Variants in CDH12 observed in about 807,000 individuals in gnomAD.
CDH12 encodes the protein cadherin-12.
A neutral mutation model predicts 74.1 loss-of-function variants in CDH12; 41 were observed. The observed-to-expected ratio is 0.55, with a 90% CI of 0.43 to 0.72. The LOEUF (loss-of-function observed/expected upper bound fraction) is 0.72, where lower values mean the gene tolerates loss of function less well. CDH12 is among the 30% of genes least tolerant of loss of function. The pLI, the probability that CDH12 is intolerant of heterozygous loss-of-function variation, is 0.00. For missense variants in CDH12, 945 were observed against 977.2 expected, an observed-to-expected ratio of 0.97 and a Z score of 0.44; for synonymous variants, 399 against 355.0, an observed-to-expected ratio of 1.12 and a Z score of -1.39.
chr5:22,741,718 T>C (rs541869961), intron 1 of CDH12, among the ~76,000 whole-genome samples: 20 of 152,326 alleles, frequency 1.3e-4, no homozygotes, highest in African/African-American at 4.6e-4. Flanking sequence ...CTCAGCATTC[T>C]TCCTTCTATA....
chr5:22,039,062 T>C (rs1739390170), intron 5 of CDH12, among the ~76,000 whole-genome samples: 1 of 152,148 alleles, frequency 6.6e-6, no homozygotes, highest in African/African-American at 2.4e-5. Context: ...GCACTCCACA[T>C]GGTGGTCATG....
intron 1 of CDH12, among the ~76,000 whole-genome samples, chr5:22,772,104 A>T (rs908368716): frequency 1.3e-5 from 2 of 152,094 alleles, no homozygotes; most frequent in African/African-American, 4.8e-5. Flanking sequence ...GTGTTAGGGA[A>T]TGATGTGTAA....
intron 1 of CDH12, among the ~76,000 whole-genome samples, chr5:22,685,873 G>A (rs573491654): frequency 7.9e-5 from 12 of 152,210 alleles, no homozygotes; most frequent in South Asian, 6.2e-4. Context: ...GTACAAGTTC[G>A]TATGGACATA....
At position 22,337,163 on chromosome 5, in the gene CDH12, G is replaced by A. The variant is rs184984713; in HGVS notation, c.-333+68094C>T. On this transcript the variant is annotated intron_variant, in intron 3 of 14. Transcript: ENST00000382254. The stretch of plus-strand genomic sequence containing the variant: ...TGGCCAATTTCTTCCATTTGGAATG[G>A]CTGTATTTACCCAATGCCAGTACCC... Among the ~76,000 whole-genome samples, 59 of 152,240 alleles carry A rather than the reference G, an allele frequency of 3.9e-4. 1 individual carries two copies. The highest frequency in any genetic ancestry group is 1.6e-3 in the Admixed American group (24 of 15,296).
At chr5:22,346,820 G>A (rs1740136382) in intron 3 of CDH12, among the ~76,000 whole-genome samples, 1 of 152,100 alleles carries the variant, frequency 6.6e-6, no homozygotes, top group African/African-American at 2.4e-5. Flanking sequence ...TAAAACTGGG[G>A]AGTTTTGTAT....
chr5:22,056,837 T>A (rs1740775025), intron 5 of CDH12, among the ~76,000 whole-genome samples: 1 of 152,134 alleles, frequency 6.6e-6, no homozygotes, highest in South Asian at 2.1e-4. Flanking sequence ...ACTTTACAGA[T>A]GAGGATATTG....
chr5:21,842,859 T>C (rs562340190), intron 7 of CDH12, among the ~76,000 whole-genome samples: 1 of 152,290 alleles, frequency 6.6e-6, no homozygotes, highest in Non-Finnish European at 1.5e-5. Flanking sequence ...CGTTAGTTAT[T>C]TTAGCAACAG....
intron 5 of CDH12, among the ~76,000 whole-genome samples, chr5:22,020,606 T>C (rs1166076657): frequency 6.6e-6 from 1 of 151,810 alleles, no homozygotes; most frequent in Non-Finnish European, 1.5e-5. Context: ...TCATGTCAAT[T>C]GATTCCTGAT....
intron 14 of CDH12, among the ~76,000 whole-genome samples, chr5:21,752,546 A>T (rs1183582839): frequency 1.3e-5 from 2 of 152,218 alleles, no homozygotes; most frequent in Non-Finnish European, 2.9e-5. Context: ...TTCCACTCAT[A>T]CAGAAAATTG....
chr5:21,788,493 T>C lies in CDH12; in HGVS notation c.1257-4999A>G, dbSNP rs556256679. Among the ~76,000 whole-genome samples the C allele has an allele frequency of 2.8e-4, 43 of 152,272 alleles. 1 individual carries two copies. Among genetic ancestry groups the C allele is most frequent in the South Asian group, 6.2e-4 (3 of 4,830 alleles). ...AGGTCAAGGAAGATCTTATACATTATAGTTAAAAAACTATTAATTTCTCTA... is the reference window on the plus strand; with the variant it reads ...AGGTCAAGGAAGATCTTATACATTACAGTTAAAAAACTATTAATTTCTCTA... On this transcript the variant is annotated intron_variant, in intron 10 of 14. Transcript: ENST00000382254.
chr5:21,753,836 C>T (rs1421954362), intron 14 of CDH12, among the ~76,000 whole-genome samples: 5 of 152,078 alleles, frequency 3.3e-5, no homozygotes, highest in South Asian at 2.1e-4. Context: ...CAGTGTATGA[C>T]GGCCAGAACA....
At chr5:22,734,367 T>C (rs1744581598) in intron 1 of CDH12, among the ~76,000 whole-genome samples, 1 of 151,820 alleles carries the variant, frequency 6.6e-6, no homozygotes, top group African/African-American at 2.4e-5. Flanking sequence ...TGCAAAAAAG[T>C]TACAAAAATT....
rs1440678921 is a variant in CDH12 at position 22,759,218 on chromosome 5, A to AT, written c.-523+93839_-523+93840insA. Among the ~76,000 whole-genome samples, 5 of 152,208 alleles carry AT rather than the reference A, an allele frequency of 3.3e-5. No homozygotes were observed. In the East Asian group the frequency reaches 9.7e-4, roughly 29 times the overall value. ...TCTCAGAAAAAAAAAACAAAAAAAA[A>AT]CTTAGATTGATTTCAAAGAGGCCAC... On this transcript the variant is annotated intron_variant, in intron 1 of 14. Transcript: ENST00000382254.
chr5:22,830,071 G>A (rs1301433819), intron 1 of CDH12, among the ~76,000 whole-genome samples: 1 of 152,076 alleles, frequency 6.6e-6, no homozygotes, highest in Non-Finnish European at 1.5e-5. Flanking sequence ...CTAAATCAAA[G>A]CCTACTTTTG....
intron 3 of CDH12, among the ~76,000 whole-genome samples, chr5:22,237,904 G>C (rs1752615494): frequency 6.6e-6 from 1 of 152,140 alleles, no homozygotes; most frequent in East Asian, 1.9e-4. Flanking sequence ...CTATAAAATT[G>C]TTCTTCTTAA....
At chr5:21,771,721 C>T (rs1252020302) in intron 11 of CDH12, among the ~76,000 whole-genome samples, 1 of 152,052 alleles carries the variant, frequency 6.6e-6, no homozygotes, top group Non-Finnish European at 1.5e-5. Context: ...TACATCTCTC[C>T]AGGATCAGGA....
intron 5 of CDH12, among the ~76,000 whole-genome samples, chr5:22,069,223 T>C (rs1489092777): frequency 6.6e-6 from 1 of 152,132 alleles, no homozygotes; most frequent in East Asian, 1.9e-4. Flanking sequence ...CCCATGCTCA[T>C]GGAATTCATT....
At chr5:21,979,965 T>G (rs1338420011) in intron 5 of CDH12, among the ~76,000 whole-genome samples, 2 of 151,854 alleles carry the variant, frequency 1.3e-5, no homozygotes, top group Non-Finnish European at 2.9e-5. Flanking sequence ...CCTGACTTTT[T>G]AATGATTGCC....
At chr5:22,227,799 T>C (rs924128135) in intron 3 of CDH12, among the ~76,000 whole-genome samples, 1 of 152,156 alleles carries the variant, frequency 6.6e-6, no homozygotes, top group African/African-American at 2.4e-5. Context: ...CAGGAGGCTG[T>C]GTCTGAAACA....
Sources: gnomAD v4.1 joint callset for allele counts (sites outside exome capture counted in the v4.1 genomes callset) on GRCh38, gnomAD v4.1.1 for gene constraint, MANE v1.5 for transcripts, NCBI Gene and HGNC (gene_info 2026-07-23, HGNC 2026-07-21) for gene names.